Variants in ATP6V1E1 observed in about 807,000 individuals in gnomAD.
ATP6V1E1 encodes V-type proton ATPase subunit E 1.
In ATP6V1E1, 21 loss-of-function variants were observed where a neutral mutation model predicts 35.2. That is an observed-to-expected ratio of 0.60 (90% confidence interval 0.42 to 0.86). The LOEUF (loss-of-function observed/expected upper bound fraction) is 0.86. Ranked by LOEUF, ATP6V1E1 falls within the 40% of genes least tolerant of loss-of-function variation. ATP6V1E1 has a pLI of 0.00. For synonymous variants in ATP6V1E1, 83 were observed against 87.8 expected (o/e 0.95, Z 0.30); for missense variants, 183 against 272.6 (o/e 0.67, Z 2.32).
intron 2 of ATP6V1E1, among the ~76,000 whole-genome samples, chr22:17,617,584 GC>G (rs1296343690): frequency 6.6e-6 from 1 of 151,228 alleles, no homozygotes; most frequent in Non-Finnish European, 1.5e-5. Flanking sequence ...GTGAGCCACC[GC>G]CCCGGCCATA....
chr22:17,616,679 C>CAAAA (rs374090230), intron 2 of ATP6V1E1, among the ~76,000 whole-genome samples: 4 of 52,646 alleles, frequency 7.6e-5, no homozygotes, highest in Admixed American at 4.2e-4. Flanking sequence ...AACTCCGGCT[C>CAAAA]AAAAAAAAAA....
chr22:17,595,646 G>A (rs1181704582), intron 7 of ATP6V1E1, among the ~76,000 whole-genome samples: 1 of 152,086 alleles, frequency 6.6e-6, no homozygotes, highest in Non-Finnish European at 1.5e-5. Context: ...CATGGCGAAA[G>A]CCTGTCTCCA....
At chr22:17,592,833 C>T (rs887084421) in intron 8 of ATP6V1E1, 97 bp from the exon 9 acceptor site, 28 of 1,128,960 alleles carry the variant, frequency 2.5e-5, no homozygotes, top group South Asian at 7.7e-5. Context: ...GACGGAGTCT[C>T]GCTCTGTCGC....
intron 4 of ATP6V1E1, among the ~76,000 whole-genome samples, chr22:17,605,205 C>CAAAAAAAAAAAA (rs898076791): frequency 1.8e-5 from 1 of 54,870 alleles, no homozygotes; most frequent in African/African-American, 8.2e-5. Context: ...GACTTCATCT[C>CAAAAAAAAAAAA]AAAAAAAAAA....
At chr22:17,596,730 C>T (rs1478627112) in intron 7 of ATP6V1E1, among the ~76,000 whole-genome samples, 1 of 152,068 alleles carries the variant, frequency 6.6e-6, no homozygotes, top group Non-Finnish European at 1.5e-5. Flanking sequence ...ACTCTGACAG[C>T]ATATCTTATG....
chr22:17,623,020 A>G (rs2057885864), intron 1 of ATP6V1E1, among the ~76,000 whole-genome samples: 1 of 152,142 alleles, frequency 6.6e-6, no homozygotes, highest in Admixed American at 6.6e-5. Context: ...TTTAGAAGGG[A>G]CAGTTTTTTT....
intron 2 of ATP6V1E1, among the ~76,000 whole-genome samples, chr22:17,614,132 C>T (rs1291239877): frequency 6.6e-6 from 1 of 152,044 alleles, no homozygotes; most frequent in African/African-American, 2.4e-5. Context: ...AGACAGATCA[C>T]CTAAGGTCAG....
rs998332274 is a variant in ATP6V1E1 at position 17,619,574 on chromosome 22, T to C, written c.34-48A>G. 5.6e-6 allele frequency: 8 copies of C among 1,430,634 alleles called. No individual in the cohort carries two copies. The African/African-American group carries it at 5.8e-5, about 10-fold the overall frequency. The allele number at this position is 1,430,634 out of a possible 1,614,324, so 88.6% of individuals were successfully genotyped here. ...TTTTTAGTTCAAAAATATGGAAATA[T>C]CTTTTCTGATTCATTGAACAAGTAA... On this transcript the variant is annotated intron_variant, in intron 1 of 8. Transcript: ENST00000253413.
chr22:17,616,814 C>T (rs1218415109), intron 2 of ATP6V1E1, among the ~76,000 whole-genome samples: 2 of 65,292 alleles, frequency 3.1e-5, no homozygotes, highest in East Asian at 3.0e-4. Flanking sequence ...TTTGGGAGGC[C>T]GAGGCGGGCG....
chr22:17,597,023 C>T (rs1026035263), intron 7 of ATP6V1E1, among the ~76,000 whole-genome samples: 4 of 151,844 alleles, frequency 2.6e-5, no homozygotes, highest in Non-Finnish European at 4.4e-5. Context: ...GGGCAGATCA[C>T]GAGGTCAGGA....
rs184546144 is a variant in ATP6V1E1, at chr22:17,621,048, C to G, written c.34-1522G>C. Among the ~76,000 whole-genome samples, 397 of 151,934 alleles carry G rather than the reference C, an allele frequency of 2.6e-3. 1 individual carries two copies. The highest frequency in any genetic ancestry group is 9.2e-3 in the African/African-American group (382 of 41,426). ...CTGCACACCAGCCTGGGCGACAGAG[C>G]GAGACTCTGTCTCAAAAAAAAAAAT... is the stretch of plus-strand genomic sequence containing the variant. On this transcript the variant is annotated intron_variant, in intron 1 of 8. Coordinates refer to ENST00000253413, the MANE Select transcript of ATP6V1E1 (RefSeq NM_001696.4).
At chr22:17,622,586 G>A (rs183013054) in intron 1 of ATP6V1E1, among the ~76,000 whole-genome samples, 8 of 152,202 alleles carry the variant, frequency 5.3e-5, no homozygotes, top group Admixed American at 3.9e-4. Flanking sequence ...ACCATGGCAC[G>A]CGTATCACTA....
intron 6 of ATP6V1E1, 61 bp downstream of exon 6, chr22:17,599,966 A>AG (rs2057753949): frequency 9.3e-7 from 1 of 1,072,102 alleles, no homozygotes; most frequent in South Asian, 1.3e-5. Context: ...AGAAAGAGAG[A>AG]GGGGAAGGAA....
intron 4 of ATP6V1E1, among the ~76,000 whole-genome samples, chr22:17,604,139 C>G (rs2057774217): frequency 6.6e-6 from 1 of 152,216 alleles, no homozygotes. Flanking sequence ...TGCCTGTCCA[C>G]TATGTCACCA....
intron 5 of ATP6V1E1, chr22:17,600,852 A>G (rs997892262): frequency 6.2e-6 from 2 of 321,692 alleles, no homozygotes; most frequent in African/African-American, 4.3e-5. Flanking sequence ...GTAAGACTAC[A>G]TAATTGAGTA....
intron 2 of ATP6V1E1, among the ~76,000 whole-genome samples, chr22:17,617,639 T>C (rs918201419): frequency 6.6e-6 from 1 of 152,020 alleles, no homozygotes. Flanking sequence ...ATGCGTGTTA[T>C]GATTATACCT....
chr22:17,592,380 G>A lies in ATP6V1E1; in HGVS notation c.*294C>T. On this transcript the variant is annotated 3_prime_UTR_variant, in exon 9 of 9. Coordinates refer to ENST00000253413, the MANE Select transcript of ATP6V1E1 (RefSeq NM_001696.4). Reference sequence around the variant, plus strand: ...ACCTTTAGGCCAGACGGAGAGTGGAGACCCAGGAAGCCCATGCAACCACCA... The same window carrying A: ...ACCTTTAGGCCAGACGGAGAGTGGAAACCCAGGAAGCCCATGCAACCACCA... 2.4e-6 allele frequency: 1 copy of A among 412,368 alleles called. No homozygotes were observed. The highest frequency in any genetic ancestry group is 4.5e-6 in the Non-Finnish European group (1 of 223,372). 25.5% of individuals were successfully genotyped at this position (412,368 alleles called of 1,614,324 possible).
At chr22:17,597,531 A>C (rs2057738217) in intron 7 of ATP6V1E1, among the ~76,000 whole-genome samples, 1 of 142,040 alleles carries the variant, frequency 7.0e-6, no homozygotes, top group Non-Finnish European at 1.5e-5. Context: ...ATTACTTAGA[A>C]GAAGGGAGTA....
chr22:17,609,691 A>G (rs904952949), intron 4 of ATP6V1E1, among the ~76,000 whole-genome samples: 4 of 150,770 alleles, frequency 2.7e-5, no homozygotes, highest in African/African-American at 7.3e-5. Flanking sequence ...GGATGGTCTC[A>G]ATCTCCTGAC....
Sources: allele counts gnomAD v4.1 joint callset (sites outside exome capture counted in the v4.1 genomes callset), GRCh38; gene constraint gnomAD v4.1.1; transcripts MANE v1.5; gene names NCBI Gene and HGNC (gene_info 2026-07-23, HGNC 2026-07-21).